Variants in UBAC2 observed in about 807,000 individuals in gnomAD.
UBAC2 encodes UBA domain containing 2.
Under a neutral mutation model 44.0 loss-of-function variants are expected in UBAC2, and 26 were observed. That is an observed-to-expected ratio of 0.59 (90% confidence interval 0.43 to 0.82). UBAC2 has a LOEUF of 0.82. Among genes scored for constraint, UBAC2 ranks in the 40% least tolerant of loss-of-function variants. UBAC2 has a pLI of 0.00. For missense variants in UBAC2, 329 were observed against 419.4 expected (o/e 0.78, Z 1.88); for synonymous variants, 155 against 154.3 (o/e 1.00, Z -0.04).
chr13:99,250,447 G>A (rs998493097), intron 4 of UBAC2, among the ~76,000 whole-genome samples: 1 of 152,126 alleles, frequency 6.6e-6, no homozygotes, highest in Non-Finnish European at 1.5e-5. Context: ...GTACCATGCT[G>A]TTTTGCTTAC....
Position 99,321,173 on chromosome 13 carries a change from T to A in UBAC2, c.561+3104T>A, listed in dbSNP as rs549655241. On this transcript the variant is annotated intron_variant, in intron 6 of 8. Coordinates refer to ENST00000403766, the MANE Select transcript of UBAC2 (RefSeq NM_001144072.2). ...AAAAAGAGTATTTTTTAAACAAAGA[T>A]ATTTGTATGAAACATGAGTAATTTG... Among the ~76,000 whole-genome samples the A allele has an allele frequency of 2.0e-5, 3 of 152,320 alleles. No individual in the cohort carries two copies. In the South Asian group the frequency reaches 6.2e-4, roughly 32 times the overall value.
At chr13:99,299,614 A>T (rs980517621) in intron 4 of UBAC2, among the ~76,000 whole-genome samples, 1 of 152,012 alleles carries the variant, frequency 6.6e-6, no homozygotes, top group Non-Finnish European at 1.5e-5. Context: ...ATAAATAGGT[A>T]AAAAAAATTT....
At position 99,221,924 on chromosome 13, in the gene UBAC2, G is replaced by A. The variant is rs115767977; in HGVS notation, c.32-16503G>A. 8.4e-3 allele frequency among the ~76,000 whole-genome samples: 1,276 copies of A among 152,174 alleles called. 21 individuals are homozygous for A. The highest frequency in any genetic ancestry group is 0.029 in the African/African-American group (1,211 of 41,504). On this transcript the variant is annotated intron_variant, in intron 1 of 8. Coordinates refer to ENST00000403766, the MANE Select transcript of UBAC2 (RefSeq NM_001144072.2). ...CACCTTTTACTCTTAGAGGAACCCC[G>A]GCTAAGACATTTTCTAGTCATGGAT...
rs2045518050 is a variant in UBAC2 at position 99,379,067 on chromosome 13, G to A, written c.928-6161G>A. 2.6e-5 allele frequency among the ~76,000 whole-genome samples: 4 copies of A among 152,226 alleles called. No individual in the cohort carries two copies. The South Asian group carries it at 8.3e-4, about 31-fold the overall frequency. On this transcript the variant is annotated intron_variant, in intron 8 of 8. Coordinates refer to ENST00000403766, the MANE Select transcript of UBAC2 (RefSeq NM_001144072.2). ...CACAAGCCACAGGTCCAAAATGTTT[G>A]TGAGACCAATCAGAAAAGATATCCC...
chr13:99,229,898 A>G (rs911470687), intron 1 of UBAC2, among the ~76,000 whole-genome samples: 1 of 152,242 alleles, frequency 6.6e-6, no homozygotes, highest in Non-Finnish European at 1.5e-5. Context: ...TAAGAAACTT[A>G]CCAGGAGCAG....
chr13:99,325,912 G>A (rs1257469615), intron 6 of UBAC2, among the ~76,000 whole-genome samples: 3 of 152,108 alleles, frequency 2.0e-5, no homozygotes, highest in African/African-American at 7.2e-5. Context: ...TTGTATGCAT[G>A]GACCACATTT....
chr13:99,228,015 T>C (rs934658966), intron 1 of UBAC2, among the ~76,000 whole-genome samples: 1 of 152,210 alleles, frequency 6.6e-6, no homozygotes, highest in Non-Finnish European at 1.5e-5. Context: ...CAAGAATTTA[T>C]GGTGAAATCT....
intron 8 of UBAC2, 76 bp downstream of exon 8, chr13:99,367,982 CA>C: frequency 6.5e-7 from 1 of 1,527,622 alleles, no homozygotes; most frequent in South Asian, 1.2e-5. Context: ...CAACAGGACT[CA>C]AAAGTAATCA....
chr13:99,261,544 T>C (rs765400081), intron 4 of UBAC2: 8 of 152,236 alleles, frequency 5.3e-5, no homozygotes, highest in Non-Finnish European at 1.0e-4. Context: ...AAATTTAATA[T>C]TCCCAAATTT....
chr13:99,284,814 A>C (rs1319267270), intron 4 of UBAC2, among the ~76,000 whole-genome samples: 1 of 152,210 alleles, frequency 6.6e-6, no homozygotes, highest in Non-Finnish European at 1.5e-5. Flanking sequence ...AAAACGATAC[A>C]TATTCTAAGG....
chr13:99,271,773 A>G (rs1415519703), intron 4 of UBAC2, among the ~76,000 whole-genome samples: 1 of 152,074 alleles, frequency 6.6e-6, no homozygotes, highest in South Asian at 2.1e-4. Flanking sequence ...TTGCTCTTCG[A>G]GTCCCCATGT....
At chr13:99,285,963 A>G (rs1359605243) in intron 4 of UBAC2, among the ~76,000 whole-genome samples, 1 of 152,122 alleles carries the variant, frequency 6.6e-6, no homozygotes, top group African/African-American at 2.4e-5. Flanking sequence ...ACTCTGCCAA[A>G]GTGGTTTGAC....
At chr13:99,248,096 G>A (rs1320844115) in intron 4 of UBAC2, among the ~76,000 whole-genome samples, 4 of 152,196 alleles carry the variant, frequency 2.6e-5, no homozygotes, top group African/African-American at 7.2e-5. Flanking sequence ...CTTTTCTCAA[G>A]CTTTTTGGGC....
chr13:99,385,147 G>A, intron 8 of UBAC2, 81 bp from the exon 9 acceptor site: 1 of 1,036,734 alleles, frequency 9.6e-7, no homozygotes, highest in Admixed American at 1.7e-5. Flanking sequence ...TTGCCACAAG[G>A]CTCACATGAA....
chr13:99,277,972 C>G lies in UBAC2; in HGVS notation c.389+33348C>G, dbSNP rs79166560. Among the ~76,000 whole-genome samples the G allele has an allele frequency of 5.3e-4, 81 of 152,242 alleles. No homozygotes were observed. In the East Asian group the frequency reaches 0.014, roughly 25 times the overall value. On this transcript the variant is annotated intron_variant, in intron 4 of 8. Coordinates refer to ENST00000403766, the MANE Select transcript of UBAC2 (RefSeq NM_001144072.2). ...GCAGGATAAATTTCCTCATGGTCTC[C>G]CCATAGAAGGGCCTTTCCTGCTGTT...
chr13:99,332,643 T>G (rs1275135788), intron 6 of UBAC2, among the ~76,000 whole-genome samples: 1 of 152,202 alleles, frequency 6.6e-6, no homozygotes, highest in African/African-American at 2.4e-5. Flanking sequence ...TGCTTCCTGT[T>G]GCCCAAGTGC....
In UBAC2 at chr13:99,255,506, T is replaced by A. The variant is rs755626668; in HGVS notation, c.389+10882T>A. 2.5e-6 allele frequency: 4 copies of A among 1,614,158 alleles called. No homozygotes were observed. The Admixed American group carries it at 6.7e-5, about 27-fold the overall frequency. ...TCTTTGGCGTACTTCGGCTGTACAA[T>A]GGCCATGTATCTGTCAGCACTAATA... On this transcript the variant is annotated intron_variant, in intron 4 of 8. Transcript: ENST00000403766.
At chr13:99,241,120 CGGGTGT>C (rs892791206) in intron 2 of UBAC2, among the ~76,000 whole-genome samples, 10 of 151,698 alleles carry the variant, frequency 6.6e-5, no homozygotes, top group Non-Finnish European at 1.5e-5. Flanking sequence ...AAAAATTAGA[CGGGTGT>C]GGTGGTGCAC....
chr13:99,349,586 C>G (rs2045047206), intron 7 of UBAC2, among the ~76,000 whole-genome samples: 3 of 152,172 alleles, frequency 2.0e-5, no homozygotes, highest in Admixed American at 2.0e-4. Context: ...TGAAGCAAGT[C>G]ACGTAATCAC....
Sources: gnomAD v4.1 joint callset for allele counts (sites outside exome capture counted in the v4.1 genomes callset) on GRCh38, gnomAD v4.1.1 for gene constraint, MANE v1.5 for transcripts, NCBI Gene and HGNC (gene_info 2026-07-23, HGNC 2026-07-21) for gene names.